ADAMTS16: variants seen among roughly 807,000 people sequenced by gnomAD.
ADAMTS16 encodes the protein ADAM metallopeptidase with thrombospondin type 1 motif 16, also known as A disintegrin and metalloproteinase with thrombospondin motifs 16.
ADAMTS16 carries 94 observed loss-of-function variants against 145.8 expected under a neutral mutation model. The ratio of observed to expected loss-of-function variants is 0.64; its 90% confidence interval spans 0.55 to 0.77. The LOEUF (loss-of-function observed/expected upper bound fraction) is 0.77. ADAMTS16 is among the 30% of genes least tolerant of loss of function. The probability of loss-of-function intolerance (pLI) is 0.00; values close to 1 mark genes in which losing one functional copy is unlikely to be tolerated. For synonymous variants in ADAMTS16, 659 were observed against 604.3 expected, an observed-to-expected ratio of 1.09 and a Z score of -1.33; for missense variants, 1,585 against 1,591.5, an observed-to-expected ratio of 1.00 and a Z score of 0.07.
At chr5:5,163,508 T>G (rs752331031) in intron 3 of ADAMTS16, among the ~76,000 whole-genome samples, 1 of 152,172 alleles carries the variant, frequency 6.6e-6, no homozygotes, top group Non-Finnish European at 1.5e-5. Flanking sequence ...ATGGTCAAAT[T>G]TGGTAGCCAC....
At chr5:5,203,811 G>T (rs1010854763) in intron 9 of ADAMTS16, among the ~76,000 whole-genome samples, 1 of 152,104 alleles carries the variant, frequency 6.6e-6, no homozygotes, top group Admixed American at 6.6e-5. Flanking sequence ...CTCTGACCAC[G>T]TGAATCTGAA....
At chr5:5,241,359 AT>A (rs762746684) in intron 16 of ADAMTS16, among the ~76,000 whole-genome samples, 11 of 152,252 alleles carry the variant, frequency 7.2e-5, no homozygotes, top group Non-Finnish European at 1.3e-4. Flanking sequence ...GTCCAAACCC[AT>A]TCCATGCCCT....
rs1365365483 is a variant in ADAMTS16, at chr5:5,232,460, C to T, written c.1794C>T (p.Cys598=). The change falls in exon 12 of 23, where the codon TGC becomes TGT. Residue 598 remains cysteine (C), a synonymous_variant. Transcript: ENST00000274181. Reference sequence around the variant, plus strand: ...CGGACTGGTCTTCTTGGTCCCCATGCTCCAGGACCTGCGGAGGGGGAGTAT... The same window carrying T: ...CGGACTGGTCTTCTTGGTCCCCATGTTCCAGGACCTGCGGAGGGGGAGTAT... ...HWSDWSSWSP[C]SRTCGGGVSH... The T allele has an allele frequency of 1.2e-6, 2 of 1,613,970 alleles. No individual in the cohort carries two copies. The highest frequency in any genetic ancestry group is 1.7e-6 in the Non-Finnish European group (2 of 1,180,006).
chr5:5,205,519 C>T (rs992936147), intron 9 of ADAMTS16, among the ~76,000 whole-genome samples: 2 of 152,176 alleles, frequency 1.3e-5, no homozygotes, highest in Admixed American at 6.5e-5. Flanking sequence ...TTTCTGCACC[C>T]ACACTTTTGG....
At chr5:5,253,087 T>C (rs1481467479) in intron 17 of ADAMTS16, among the ~76,000 whole-genome samples, 1 of 152,226 alleles carries the variant, frequency 6.6e-6, no homozygotes, top group African/African-American at 2.4e-5. Context: ...TCTTCCTTCT[T>C]TGCTTTTCAG....
At chr5:5,256,384 C>A (rs1320233703) in intron 17 of ADAMTS16, among the ~76,000 whole-genome samples, 3 of 152,214 alleles carry the variant, frequency 2.0e-5, no homozygotes, top group Non-Finnish European at 4.4e-5. Context: ...AAAGTCACAG[C>A]TAAGACATAA....
At chr5:5,249,238 C>T (rs1330975687) in intron 17 of ADAMTS16, among the ~76,000 whole-genome samples, 3 of 152,152 alleles carry the variant, frequency 2.0e-5, no homozygotes, top group East Asian at 3.9e-4. Context: ...TGATTAAGGA[C>T]CCAAGAAAAA....
intron 3 of ADAMTS16, among the ~76,000 whole-genome samples, chr5:5,155,327 C>T (rs56030729): frequency 0.017 from 2,582 of 152,284 alleles, 48 homozygotes; most frequent in Non-Finnish European, 0.021. Flanking sequence ...CTGTTTCCCA[C>T]TTCCTATCCC....
At chr5:5,176,003 T>C (rs1408712628) in intron 3 of ADAMTS16, 1 of 152,270 alleles carries the variant, frequency 6.6e-6, no homozygotes, top group Non-Finnish European at 1.5e-5. Flanking sequence ...ACCTGAATTG[T>C]GGTTCTCATG....
At position 5,182,133 on chromosome 5, in the gene ADAMTS16, C is replaced by T; in HGVS notation, c.591C>T (p.Gly197=). 2 of 1,614,076 alleles carry T rather than the reference C, an allele frequency of 1.2e-6. No homozygotes were observed. The highest frequency in any genetic ancestry group is 1.7e-6 in the Non-Finnish European group (2 of 1,180,022). The change falls in exon 4 of 23, where the codon GGC becomes GGT. Residue 197 remains glycine (G), a synonymous_variant. Transcript: ENST00000274181. The stretch of plus-strand genomic sequence containing the variant: ...GGAAACTCGGCAGAGCTGCCCAAGG[C>T]AGCTCGCCATCCCACGTACTGTACA... ...LSWKLGRAAQ[G]SSPSHVLYKR...
Position 5,235,139 on chromosome 5 carries a change from G to A in ADAMTS16, c.1976G>A (p.Arg659Gln), listed in dbSNP as rs61743639. The change falls in exon 13 of 23, where the codon CGA (arginine) becomes CAA (glutamine). Residue 659 changes from arginine (R) to glutamine (Q), a missense_variant. Around this residue, in one of 3 missense-constraint regions of ADAMTS16, gnomAD observed 834 missense variants for 811.7 expected, o/e 1.03. Coordinates refer to ENST00000274181, the MANE Select transcript of ADAMTS16 (RefSeq NM_139056.4). ...AAQCAEHNSR[R>Q]FRGRHYKWKP... Reference sequence around the variant, plus strand: ...CAGTGTGCCGAGCACAACAGCAGACGATTCAGAGGGCGGCACTACAAGTGG... The same window carrying A: ...CAGTGTGCCGAGCACAACAGCAGACAATTCAGAGGGCGGCACTACAAGTGG... The A allele has an allele frequency of 1.4e-3, 2,230 of 1,593,892 alleles. 29 individuals carry two copies. In the African/African-American group the frequency reaches 0.026, roughly 18 times the overall value.
Position 5,318,187 on chromosome 5 carries a change from T to TG in ADAMTS16, c.3470dup (p.Arg1158ProfsTer64). 6.4e-7 allele frequency: 1 copy of TG among 1,561,038 alleles called. No individual in the cohort carries two copies. The highest frequency in any genetic ancestry group is 8.7e-7 in the Non-Finnish European group (1 of 1,149,408). ...AGACGAGGTCCGTGCAGTGCCTGGC[T>TG]GGGGGCCGGCCGGCCTCAGGCTGCC... On this transcript the variant is annotated frameshift_variant, in exon 22 of 23. Transcript: ENST00000274181. LOFTEE classifies it high-confidence loss of function.
In ADAMTS16 at chr5:5,178,805, C is replaced by G. The variant is rs1248615100; in HGVS notation, c.502-3239C>G. On this transcript the variant is annotated intron_variant, in intron 3 of 22. Coordinates refer to ENST00000274181, the MANE Select transcript of ADAMTS16 (RefSeq NM_139056.4). ...GGGGAAAGGAGAGATGGTTCTGAAT[C>G]TGAAACAGCTGTGTTGGATCACAAG... Among the ~76,000 whole-genome samples, 8 of 152,200 alleles carry G rather than the reference C, an allele frequency of 5.3e-5. No homozygotes were observed. In the East Asian group the frequency reaches 1.5e-3, roughly 29 times the overall value.
At chr5:5,274,070 A>G (rs1738589091) in intron 18 of ADAMTS16, among the ~76,000 whole-genome samples, 1 of 151,640 alleles carries the variant, frequency 6.6e-6, no homozygotes. Flanking sequence ...TTTTTGCTTC[A>G]TTTCATGGCA....
chr5:5,160,337 C>T (rs1243901898), intron 3 of ADAMTS16, among the ~76,000 whole-genome samples: 2 of 152,138 alleles, frequency 1.3e-5, no homozygotes, highest in Admixed American at 6.5e-5. Flanking sequence ...TAATGTCAAT[C>T]CTAATTATCT....
chr5:5,177,914 G>C (rs546326780), intron 3 of ADAMTS16, among the ~76,000 whole-genome samples: 2 of 152,262 alleles, frequency 1.3e-5, no homozygotes, highest in South Asian at 4.1e-4. Flanking sequence ...TGGTTCACTG[G>C]GAGTCTGTCT....
At chr5:5,144,125 C>CAAAA (rs70965926) in intron 2 of ADAMTS16, among the ~76,000 whole-genome samples, 1 of 150,356 alleles carries the variant, frequency 6.7e-6, no homozygotes, top group African/African-American at 2.4e-5. Flanking sequence ...TAAATTATAA[C>CAAAA]AAAAAAAAAA....
chr5:5,296,429 A>G (rs1739534372), intron 18 of ADAMTS16, among the ~76,000 whole-genome samples: 1 of 152,360 alleles, frequency 6.6e-6, no homozygotes, highest in South Asian at 2.1e-4. Flanking sequence ...GTTAGTCCTC[A>G]TAATGGGTAA....
intron 18 of ADAMTS16, 59 bp from the exon 19 acceptor site, chr5:5,303,209 G>T: frequency 6.8e-7 from 1 of 1,460,828 alleles, no homozygotes; most frequent in Non-Finnish European, 9.1e-7. Flanking sequence ...CAGATGTGGG[G>T]CCGCTTCTAT....
Sources: gnomAD v4.1 joint callset for allele counts (sites outside exome capture counted in the v4.1 genomes callset) on GRCh38, gnomAD v4.1.1 for gene constraint, gnomAD v4.1.1 regional missense constraint, MANE v1.5 for transcripts, NCBI Gene and HGNC (gene_info 2026-07-23, HGNC 2026-07-21) for gene names.